CLCNKB: variants seen among roughly 807,000 people sequenced by gnomAD.
CLCNKB encodes the protein chloride voltage-gated channel Kb, also known as chloride channel protein ClC-Kb.
In CLCNKB, 74 loss-of-function variants were observed where a neutral mutation model predicts 83.8. That is an observed-to-expected ratio of 0.88 (90% CI 0.73 to 1.07). CLCNKB has a LOEUF of 1.07. CLCNKB is among the 50% of genes least tolerant of loss of function. CLCNKB has a pLI of 0.00. For missense variants in CLCNKB, 798 were observed against 893.6 expected, an observed-to-expected ratio of 0.89 and a Z score of 1.36; for synonymous variants, 358 against 356.6, an observed-to-expected ratio of 1.00 and a Z score of -0.04.
intron 7 of CLCNKB, 33 bp from the exon 8 acceptor site, chr1:16,049,087 G>T (rs2023198455): frequency 6.2e-7 from 1 of 1,613,392 alleles, no homozygotes; most frequent in South Asian, 1.1e-5. Flanking sequence ...GGGTGGGGGT[G>T]GAGGGCCCAC....
chr1:16,053,993 G>T (rs7414959), intron 16 of CLCNKB, among the ~76,000 whole-genome samples: 1 of 151,810 alleles, frequency 6.6e-6, no homozygotes, highest in South Asian at 2.1e-4. Flanking sequence ...AAAGAGAGTC[G>T]GCCGGGTGCT....
At position 16,056,456 on chromosome 1, in the gene CLCNKB, C is replaced by T. The variant is rs144513133; in HGVS notation, c.1964C>T (p.Ser655Phe). The change falls in exon 19 of 20, where the codon TCC becomes TTC. Residue 655 changes from serine (S) to phenylalanine (F), a missense_variant. Physicochemically the swap from Ser to Phe is radical, Grantham distance 155. Transcript: ENST00000375679. ...CTCTTTGAGCTGTTGAACCTTCATTCCCTCTTTGTGACGTCGCGGGGCAGA... is the reference window on the plus strand; with the variant it reads ...CTCTTTGAGCTGTTGAACCTTCATTTCCTCTTTGTGACGTCGCGGGGCAGA... ...HNLFELLNLHSLFVTSRGRAV... is the reference protein window; with the variant it reads ...HNLFELLNLHFLFVTSRGRAV... The T allele has an allele frequency of 3.1e-5, 50 of 1,614,080 alleles. No individual in the cohort carries two copies. The African/African-American group carries it at 5.2e-4, about 17-fold the overall frequency.
At chr1:16,048,168 C>A in intron 5 of CLCNKB, 124 bp downstream of exon 5, 1 of 1,449,652 alleles carries the variant, frequency 6.9e-7, no homozygotes, top group South Asian at 1.2e-5. Context: ...TCCAGGAACT[C>A]AGTCTTGGGG....
chr1:16,045,988 CT>C lies in CLCNKB; in HGVS notation c.229+303del, dbSNP rs1308162593. On this transcript the variant is annotated intron_variant, in intron 3 of 19. Coordinates refer to ENST00000375679, the MANE Select transcript of CLCNKB (RefSeq NM_000085.5). ...TTCTTCTCCTTCCCTCCTCCATGCCCTGGGGCAGAGTGGGGGCACTTCCCTA... is the reference window on the plus strand; with the variant it reads ...TTCTTCTCCTTCCCTCCTCCATGCCCGGGGCAGAGTGGGGGCACTTCCCTA... 9.7e-4 allele frequency among the ~76,000 whole-genome samples: 148 copies of C among 152,216 alleles called. 4 individuals are homozygous for C. The highest frequency in any genetic ancestry group is 2.6e-4 in the Admixed American group (4 of 15,286).
In CLCNKB at chr1:16,055,710, C is replaced by T; in HGVS notation, c.1881C>T (p.Pro627=). Residue 627 remains proline, a synonymous_variant, in exon 18 of 20, where the codon CCC becomes CCT. Coordinates refer to ENST00000375679, the MANE Select transcript of CLCNKB (RefSeq NM_000085.5). ...AGGACATCTTGGCTGCAGGCTGCCC[C>T]ACAGAACCAGTGACCCTGAAGCTGT... ...CLQDILAAGC[P]TEPVTLKLSP... 6.2e-7 allele frequency: 1 copy of T among 1,613,880 alleles called. No individual in the cohort carries two copies. Among genetic ancestry groups the T allele is most frequent in the Non-Finnish European group, 8.5e-7 (1 of 1,180,032 alleles).
intron 16 of CLCNKB, among the ~76,000 whole-genome samples, chr1:16,054,806 T>C (rs554812009): frequency 6.6e-6 from 1 of 152,224 alleles, no homozygotes; most frequent in South Asian, 2.1e-4. Context: ...GCCCAGGCTG[T>C]GGGACCCCAC....
At chr1:16,048,726 C>G in intron 7 of CLCNKB, 144 bp downstream of exon 7, 2 of 1,476,332 alleles carry the variant, frequency 1.4e-6, no homozygotes, top group African/African-American at 2.8e-5. Flanking sequence ...GCACAGCCAC[C>G]GCCCCCCACC....
rs112499326 is a variant in CLCNKB at position 16,054,302 on chromosome 1, G to C, written c.1756+530G>C. On this transcript the variant is annotated intron_variant, in intron 16 of 19. Coordinates refer to ENST00000375679, the MANE Select transcript of CLCNKB (RefSeq NM_000085.5). ...TGGGGGGTAACCCTGCTCACTCAAG[G>C]CTGCTGTCAGCCCATGTGTCCCCCT... Among the ~76,000 whole-genome samples the C allele has an allele frequency of 3.8e-3, 583 of 152,262 alleles. 6 individuals are homozygous for C. Among genetic ancestry groups the C allele is most frequent in the African/African-American group, 0.013 (555 of 41,550 alleles).
intron 14 of CLCNKB, 57 bp from the exon 15 acceptor site, chr1:16,052,141 C>G: frequency 6.2e-7 from 1 of 1,601,970 alleles, no homozygotes; most frequent in Non-Finnish European, 8.5e-7. Context: ...GCCAGCCTTG[C>G]CCTAACATGA....
chr1:16,044,631 A>G (rs1280843742), intron 2 of CLCNKB, 39 bp downstream of exon 2: 1 of 1,494,462 alleles, frequency 6.7e-7, no homozygotes, highest in Admixed American at 1.9e-5. Context: ...CTGGAGGACC[A>G]CTCAGGACAT....
rs752352309 is a variant in CLCNKB at position 16,046,575 on chromosome 1, G to C, written c.270G>C (p.Leu90=). Residue 90 remains leucine (L), a synonymous_variant, in exon 4 of 20, where the codon CTG becomes CTC. Transcript: ENST00000375679. ...WLYREIGDSH[L]LRYLSWTVYP... ...ACAGGGAGATTGGGGACAGCCACCT[G>C]CTCCGGTATCTCTCCTGGACTGTGT... The C allele has an allele frequency of 6.2e-7, 1 of 1,613,998 alleles. No homozygotes were observed. Among genetic ancestry groups the C allele is most frequent in the African/African-American group, 1.3e-5 (1 of 74,884 alleles).
chr1:16,051,459 G>C lies in CLCNKB; in HGVS notation c.1228-19G>C, dbSNP rs1426145149. ...CCCAGCAGCCTCTAACCTCTGCCCTGGGCTCCCCACTCCCACAGTTCTGGA... is the reference window on the plus strand; with the variant it reads ...CCCAGCAGCCTCTAACCTCTGCCCTCGGCTCCCCACTCCCACAGTTCTGGA... On this transcript the variant is annotated intron_variant, in intron 12 of 19. Coordinates refer to ENST00000375679, the MANE Select transcript of CLCNKB (RefSeq NM_000085.5). 3 of 1,613,816 alleles carry C rather than the reference G, an allele frequency of 1.9e-6. No individual in the cohort carries two copies. Among genetic ancestry groups the C allele is most frequent in the Non-Finnish European group, 2.5e-6 (3 of 1,179,810 alleles).
intron 4 of CLCNKB, among the ~76,000 whole-genome samples, chr1:16,047,609 CT>C (rs753537559): frequency 6.6e-6 from 1 of 152,118 alleles, no homozygotes; most frequent in Admixed American, 6.5e-5. Context: ...GACTCCATCT[CT>C]TTAGAAAAAT....
In CLCNKB at chr1:16,044,477, C is replaced by T. The variant is rs1304537574; in HGVS notation, c.-7-9C>T. ...TCACCGCGGTCCCTCCCTCTATCCGCTTCTCCAGGGGCCTGATGGAGGAGT... is the reference window on the plus strand; with the variant it reads ...TCACCGCGGTCCCTCCCTCTATCCGTTTCTCCAGGGGCCTGATGGAGGAGT... On this transcript the variant is annotated splice_polypyrimidine_tract_variant and intron_variant, in intron 1 of 19. Transcript: ENST00000375679. The T allele has an allele frequency of 1.3e-6, 2 of 1,591,224 alleles. No individual in the cohort carries two copies. The highest frequency in any genetic ancestry group is 1.8e-5 in the Admixed American group (1 of 55,236).
rs759707624 is a variant in CLCNKB, at chr1:16,048,979, G to GCCCTC, written c.656-134_656-130dup. On this transcript the variant is annotated intron_variant, in intron 7 of 19. Transcript: ENST00000375679. ...CCTCCCCGCCCAGGGCGCATGCCCT[G>GCCCTC]CCCTCCCCTCCTGTCTGTCCCTGTC... is the stretch of plus-strand genomic sequence containing the variant. 1,229 of 1,569,704 alleles carry GCCCTC rather than the reference G, an allele frequency of 7.8e-4. 2 individuals are homozygous for GCCCTC. Among genetic ancestry groups the GCCCTC allele is most frequent in the Non-Finnish European group, 1.0e-3 (1,161 of 1,158,992 alleles).
intron 2 of CLCNKB, 90 bp from the exon 3 acceptor site, chr1:16,045,468 C>A: frequency 6.6e-7 from 1 of 1,514,068 alleles, no homozygotes; most frequent in Non-Finnish European, 9.1e-7. Context: ...CTGCCCCAGC[C>A]TCTCTGCCTG....
chr1:16,044,352 C>CACAT, intron 1 of CLCNKB, 134 bp from the exon 2 acceptor site: 1 of 685,456 alleles, frequency 1.5e-6, no homozygotes, highest in Non-Finnish European at 2.6e-6. Flanking sequence ...GTGATAACTT[C>CACAT]ACATACACAC....
rs1252959928 is a variant in CLCNKB, at chr1:16,045,566, G to C, written c.109G>C (p.Glu37Gln). 1 of 1,613,716 alleles carries C rather than the reference G, an allele frequency of 6.2e-7. No homozygotes were observed. The highest frequency in any genetic ancestry group is 1.1e-5 in the South Asian group (1 of 91,082). Residue 37 changes from glutamate to glutamine, a missense_variant, in exon 3 of 20, where the codon GAG becomes CAG. Transcript: ENST00000375679. ...RIRRGIRGGLEWLKQKLFRLG... is the reference protein window; with the variant it reads ...RIRRGIRGGLQWLKQKLFRLG... ...CCCATGCCCTGCCCCAGGTGGCCTG[G>C]AGTGGCTGAAGCAGAAGCTCTTCCG...
Position 16,049,102 on chromosome 1 carries a change from G to C in CLCNKB, c.656-18G>C, listed in dbSNP as rs746996231. 182 of 1,613,502 alleles carry C rather than the reference G, an allele frequency of 1.1e-4. No homozygotes were observed. Among genetic ancestry groups the C allele is most frequent in the South Asian group, 2.0e-4 (18 of 91,060 alleles). On this transcript the variant is annotated intron_variant, in intron 7 of 19. Transcript: ENST00000375679. The stretch of plus-strand genomic sequence containing the variant: ...GGGTGGGGGTGGAGGGCCCACCTGA[G>C]ATCAGTGTCGCCCCCAGGCGTCCTG...
Sources: allele counts gnomAD v4.1 joint callset (sites outside exome capture counted in the v4.1 genomes callset), GRCh38; gene constraint gnomAD v4.1.1; transcripts MANE v1.5; gene names NCBI Gene and HGNC (gene_info 2026-07-23, HGNC 2026-07-21).